The following PDHX variants were observed in gnomAD, a reference collection of about 807,000 sequenced individuals.
PDHX encodes pyruvate dehydrogenase protein X component, mitochondrial.
PDHX carries 33 observed loss-of-function variants against 55.3 expected under a neutral mutation model. The ratio of observed to expected loss-of-function variants is 0.60; its 90% CI spans 0.45 to 0.80. The LOEUF (loss-of-function observed/expected upper bound fraction) is 0.80, where lower values mean the gene tolerates loss of function less well. Among genes scored for constraint, PDHX ranks in the 30% least tolerant of loss-of-function variants. PDHX has a pLI of 0.00. For missense variants in PDHX, 622 were observed against 619.9 expected (o/e 1.00, Z -0.04); for synonymous variants, 226 against 219.4 (o/e 1.03, Z -0.27).
rs1387745390 is a variant in PDHX at position 34,959,416 on chromosome 11, A to AAC, written c.543-1002_543-1001dup. On this transcript the variant is annotated intron_variant, in intron 4 of 10. Transcript: ENST00000227868. Reference sequence around the variant, plus strand: ...TGGCTAGTATCAAAACAAACAAACAAACAAAAACCAAACCAGACCCAGATT... The same window carrying AAC: ...TGGCTAGTATCAAAACAAACAAACAAACACAAAAACCAAACCAGACCCAGATT... Among the ~76,000 whole-genome samples, 10 of 152,102 alleles carry AAC rather than the reference A, an allele frequency of 6.6e-5. No homozygotes were observed. The East Asian group carries it at 1.9e-3, about 29-fold the overall frequency.
chr11:34,992,423 A>T, intron 10 of PDHX, 44 bp downstream of exon 10: 3 of 993,752 alleles, frequency 3.0e-6, no homozygotes, highest in Non-Finnish European at 4.9e-6. Flanking sequence ...AAACAGATAG[A>T]TGTAAGACTT....
intron 4 of PDHX, among the ~76,000 whole-genome samples, 177 bp downstream of exon 4, chr11:34,957,760 G>T (rs1157973005): frequency 6.6e-6 from 1 of 151,542 alleles, no homozygotes; most frequent in African/African-American, 2.4e-5. Flanking sequence ...TGTTCATTCA[G>T]TAAATAAATA....
intron 2 of PDHX, among the ~76,000 whole-genome samples, chr11:34,935,788 A>G (rs1212851589): frequency 3.3e-5 from 5 of 152,174 alleles, no homozygotes; most frequent in African/African-American, 1.2e-4. Context: ...GAAAGAAGGG[A>G]AGTGCAAGTA....
chr11:34,933,860 A>G (rs7115153), intron 2 of PDHX, among the ~76,000 whole-genome samples: 28,780 of 152,018 alleles, frequency 0.19, 3,894 homozygotes, highest in African/African-American at 0.39. Context: ...TAATAAGGAT[A>G]ATATATTTAA....
intron 2 of PDHX, among the ~76,000 whole-genome samples, chr11:34,942,623 T>G (rs1391274197): frequency 6.6e-6 from 1 of 152,232 alleles, no homozygotes; most frequent in Non-Finnish European, 1.5e-5. Context: ...GAAATATTCA[T>G]GGCTCATTAT....
intron 5 of PDHX, among the ~76,000 whole-genome samples, chr11:34,962,974 C>T (rs1855051631): frequency 6.6e-6 from 1 of 152,044 alleles, no homozygotes; most frequent in Non-Finnish European, 1.5e-5. Context: ...ACCCTGTTAC[C>T]CTTTTCTCTT....
At chr11:34,926,950 A>G (rs1035872165) in intron 1 of PDHX, among the ~76,000 whole-genome samples, 3 of 152,118 alleles carry the variant, frequency 2.0e-5, no homozygotes, top group African/African-American at 7.2e-5. Flanking sequence ...TGTAGCAGAA[A>G]TGGCAGGGAA....
At chr11:34,932,610 A>G (rs1326053000) in intron 2 of PDHX, among the ~76,000 whole-genome samples, 3 of 152,226 alleles carry the variant, frequency 2.0e-5, no homozygotes, top group African/African-American at 7.2e-5. Context: ...AGGGAAGGGA[A>G]GAAGCAGGAC....
chr11:34,987,222 G>A (rs568356476), intron 9 of PDHX, among the ~76,000 whole-genome samples: 3 of 152,086 alleles, frequency 2.0e-5, no homozygotes, highest in African/African-American at 7.2e-5. Context: ...CTCCCGCAAA[G>A]TTACCAGAAA....
At chr11:34,957,307 T>A (rs1225342421) in intron 3 of PDHX, 77 bp from the exon 4 acceptor site, 1 of 1,018,588 alleles carries the variant, frequency 9.8e-7, no homozygotes, top group Non-Finnish European at 1.5e-6. Context: ...AGGGGAGAAT[T>A]ACCCAACAAA....
At chr11:34,980,720 A>G (rs906130523) in intron 8 of PDHX, among the ~76,000 whole-genome samples, 1 of 152,120 alleles carries the variant, frequency 6.6e-6, no homozygotes, top group South Asian at 2.1e-4. Flanking sequence ...TAGCCTTGCA[A>G]TGGAAATGAG....
intron 1 of PDHX, among the ~76,000 whole-genome samples, chr11:34,927,622 G>T (rs561327060): frequency 6.6e-5 from 10 of 152,172 alleles, no homozygotes; most frequent in African/African-American, 2.4e-4. Flanking sequence ...GTCTGGAAAA[G>T]ATACCATATA....
intron 9 of PDHX, among the ~76,000 whole-genome samples, chr11:34,991,906 CAAAAAAA>C (rs1169109545): frequency 2.7e-5 from 1 of 37,314 alleles, no homozygotes; most frequent in Non-Finnish European, 7.9e-5. Flanking sequence ...TGAGACTTCT[CAAAAAAA>C]AAAAAAAAAA....
intron 5 of PDHX, among the ~76,000 whole-genome samples, chr11:34,964,941 C>T (rs1171525580): frequency 2.0e-5 from 3 of 151,604 alleles, no homozygotes; most frequent in Non-Finnish European, 4.4e-5. Flanking sequence ...TGTCAGCAAC[C>T]TTTTTTTTAA....
At chr11:34,945,814 C>T (rs1399061556) in intron 2 of PDHX, among the ~76,000 whole-genome samples, 1 of 152,000 alleles carries the variant, frequency 6.6e-6, no homozygotes, top group African/African-American at 2.4e-5. Context: ...CCCATGTTAC[C>T]ACCACCTAGA....
intron 9 of PDHX, among the ~76,000 whole-genome samples, chr11:34,990,644 A>G (rs191491732): frequency 1.3e-5 from 2 of 152,248 alleles, no homozygotes; most frequent in Non-Finnish European, 2.9e-5. Flanking sequence ...TTAAGGGAGG[A>G]AAAATGCTTT....
At chr11:34,957,274 T>C in intron 3 of PDHX, 110 bp from the exon 4 acceptor site, 1 of 805,978 alleles carries the variant, frequency 1.2e-6, no homozygotes, top group East Asian at 2.7e-5. Context: ...GAAGCAGCTT[T>C]TAGCTCAAAT....
In PDHX at chr11:34,995,039, A is replaced by G. The variant is rs1855832334; in HGVS notation, c.1373A>G (p.Asn458Ser). Reference sequence around the variant, plus strand: ...AAGCTCACTGAGGATGAAGAGGGAAATGCCAAACTGCAGCAGCGCCAGCTC... The same window carrying G: ...AAGCTCACTGAGGATGAAGAGGGAAGTGCCAAACTGCAGCAGCGCCAGCTC... Reference protein sequence around the residue: ...VLKLTEDEEGNAKLQQRQLIT... With the variant: ...VLKLTEDEEGSAKLQQRQLIT... The change falls in exon 11 of 11, where the codon AAT becomes AGT. Residue 458 changes from asparagine to serine, a missense_variant. Physicochemically the swap from Asn to Ser is conservative, Grantham distance 46. Transcript: ENST00000227868. 1 of 1,614,058 alleles carries G rather than the reference A, an allele frequency of 6.2e-7. No homozygotes were observed. Among genetic ancestry groups the G allele is most frequent in the Middle Eastern group, 1.7e-4 (1 of 6,060 alleles).
At chr11:34,961,534 T>C (rs1855021365) in intron 5 of PDHX, among the ~76,000 whole-genome samples, 1 of 152,222 alleles carries the variant, frequency 6.6e-6, no homozygotes, top group Non-Finnish European at 1.5e-5. Flanking sequence ...GCCAGAATTT[T>C]TGTAAGTCGA....
Sources: allele counts gnomAD v4.1 joint callset (sites outside exome capture counted in the v4.1 genomes callset), GRCh38; gene constraint gnomAD v4.1.1; transcripts MANE v1.5; gene names NCBI Gene and HGNC (gene_info 2026-07-23, HGNC 2026-07-21).